The following ATXN7L1 variants were observed in gnomAD, a reference collection of about 807,000 sequenced individuals.
ATXN7L1 encodes the protein ataxin 7 like 1, also known as ataxin-7-like protein 1.
ATXN7L1 carries 15 observed loss-of-function variants against 70.8 expected under a neutral mutation model. The observed-to-expected ratio is 0.21, with a 90% CI of 0.14 to 0.33. The LOEUF is 0.33. Ranked by LOEUF, ATXN7L1 falls within the 10% of genes least tolerant of loss-of-function variation. ATXN7L1 has a pLI of 1.00. For synonymous variants in ATXN7L1, 440 were observed against 445.1 expected (o/e 0.99, Z 0.14); for missense variants, 975 against 1,097.1 (o/e 0.89, Z 1.57).
rs370623444 is a variant in ATXN7L1, at chr7:105,872,139, C to G, written c.250+3673G>C. ...TCCCAAGTAGCTGGGACTACAGGTG[C>G]GTGCCACCACGCCCGGCTAATTTTT... On this transcript the variant is annotated intron_variant, in intron 2 of 11. Coordinates refer to ENST00000419735, the MANE Select transcript of ATXN7L1 (RefSeq NM_020725.2). Among the ~76,000 whole-genome samples the G allele has an allele frequency of 2.9e-4, 44 of 152,124 alleles. 1 individual carries two copies. The East Asian group carries it at 8.1e-3, about 28-fold the overall frequency.
chr7:105,872,368 C>A (rs920350260), intron 2 of ATXN7L1, among the ~76,000 whole-genome samples: 1 of 152,116 alleles, frequency 6.6e-6, no homozygotes, highest in Non-Finnish European at 1.5e-5. Flanking sequence ...ATATATGACA[C>A]CAATGTTCAT....
intron 4 of ATXN7L1, among the ~76,000 whole-genome samples, chr7:105,663,708 C>T (rs1802066336): frequency 6.6e-6 from 1 of 152,116 alleles, no homozygotes; most frequent in South Asian, 2.1e-4. Flanking sequence ...CCACAGGCAA[C>T]CTTTTCTGAC....
intron 2 of ATXN7L1, among the ~76,000 whole-genome samples, chr7:105,846,600 G>A (rs1300484163): frequency 6.6e-6 from 1 of 152,180 alleles, no homozygotes; most frequent in Non-Finnish European, 1.5e-5. Context: ...ATATGATTCA[G>A]CAATTTCACT....
intron 11 of ATXN7L1, among the ~76,000 whole-genome samples, chr7:105,609,020 C>T (rs1792924292): frequency 6.6e-6 from 1 of 152,200 alleles, no homozygotes; most frequent in African/African-American, 2.4e-5. Context: ...CAGGTGTACA[C>T]ACCGACTACT....
intron 3 of ATXN7L1, among the ~76,000 whole-genome samples, chr7:105,719,537 G>A (rs2116295477): frequency 6.6e-6 from 1 of 152,220 alleles, no homozygotes; most frequent in Middle Eastern, 3.4e-3. Flanking sequence ...CCCCTGCTGT[G>A]CTAACTGTAC....
At chr7:105,828,215 G>A (rs1811133242) in intron 2 of ATXN7L1, among the ~76,000 whole-genome samples, 1 of 152,176 alleles carries the variant, frequency 6.6e-6, no homozygotes, top group South Asian at 2.1e-4. Context: ...GTGGCTCACA[G>A]TTTAGGATTG....
intron 2 of ATXN7L1, among the ~76,000 whole-genome samples, chr7:105,866,812 G>T (rs951699962): frequency 6.6e-6 from 1 of 152,158 alleles, no homozygotes; most frequent in Non-Finnish European, 1.5e-5. Context: ...GGCTATGTTT[G>T]ATTATTGCAA....
chr7:105,632,175 C>T (rs932884821), intron 7 of ATXN7L1, among the ~76,000 whole-genome samples: 1 of 151,886 alleles, frequency 6.6e-6, no homozygotes, highest in South Asian at 2.1e-4. Context: ...GACTGCCCAA[C>T]CAAACATCAA....
At chr7:105,857,184 T>C (rs780052878) in intron 2 of ATXN7L1, among the ~76,000 whole-genome samples, 2 of 152,154 alleles carry the variant, frequency 1.3e-5, no homozygotes, top group African/African-American at 4.8e-5. Context: ...ATTCTTTCAT[T>C]CATTTTTCAA....
intron 2 of ATXN7L1, among the ~76,000 whole-genome samples, chr7:105,827,828 T>C (rs1811089339): frequency 6.6e-6 from 1 of 152,180 alleles, no homozygotes; most frequent in Non-Finnish European, 1.5e-5. Context: ...GGTCATATGG[T>C]GTACATTATA....
At chr7:105,839,165 A>G (rs1293356464) in intron 2 of ATXN7L1, among the ~76,000 whole-genome samples, 1 of 152,206 alleles carries the variant, frequency 6.6e-6, no homozygotes, top group Non-Finnish European at 1.5e-5. Context: ...ACAAAGGCCA[A>G]ATAGCATGCT....
chr7:105,697,179 G>C (rs1005435071), intron 3 of ATXN7L1, among the ~76,000 whole-genome samples: 5 of 152,180 alleles, frequency 3.3e-5, no homozygotes, highest in Non-Finnish European at 5.9e-5. Flanking sequence ...CAGGAGACAG[G>C]GTTTTGAGAT....
At chr7:105,783,462 T>C (rs1203589683) in intron 3 of ATXN7L1, among the ~76,000 whole-genome samples, 2 of 152,164 alleles carry the variant, frequency 1.3e-5, no homozygotes, top group African/African-American at 4.8e-5. Flanking sequence ...CTGGCGTACA[T>C]AGGCAGTTTC....
chr7:105,753,259 C>T (rs1329084133), intron 3 of ATXN7L1, among the ~76,000 whole-genome samples: 1 of 152,210 alleles, frequency 6.6e-6, no homozygotes, highest in Non-Finnish European at 1.5e-5. Flanking sequence ...AGCTCTGCAA[C>T]TAAGTGGCCA....
At chr7:105,647,011 GT>G (rs1799146584) in intron 4 of ATXN7L1, among the ~76,000 whole-genome samples, 1 of 151,998 alleles carries the variant, frequency 6.6e-6, no homozygotes, top group Admixed American at 6.6e-5. Flanking sequence ...TCTCACCCTT[GT>G]TCTGATCTGT....
chr7:105,679,233 G>C (rs545282858), intron 3 of ATXN7L1: 1 of 795,618 alleles, frequency 1.3e-6, no homozygotes, highest in Non-Finnish European at 1.5e-6. Flanking sequence ...AGAAAAGCCC[G>C]GAACAGTCAG....
intron 3 of ATXN7L1, among the ~76,000 whole-genome samples, chr7:105,775,902 G>C (rs980282102): frequency 6.6e-6 from 1 of 152,116 alleles, no homozygotes; most frequent in Non-Finnish European, 1.5e-5. Context: ...GCTTTAATGT[G>C]CTAATAGCTG....
intron 2 of ATXN7L1, among the ~76,000 whole-genome samples, chr7:105,860,297 G>A (rs1269459458): frequency 2.0e-5 from 3 of 151,952 alleles, no homozygotes; most frequent in Non-Finnish European, 4.4e-5. Context: ...ATGGTGCAGA[G>A]TGGGGGTTAC....
chr7:105,874,530 CCT>C (rs926627166), intron 2 of ATXN7L1, among the ~76,000 whole-genome samples: 4 of 152,216 alleles, frequency 2.6e-5, no homozygotes, highest in African/African-American at 9.7e-5. Context: ...CCTGAAGACA[CCT>C]GTCAAGATCA....
Sources: allele counts gnomAD v4.1 joint callset (sites outside exome capture counted in the v4.1 genomes callset), GRCh38; gene constraint gnomAD v4.1.1; transcripts MANE v1.5; gene names NCBI Gene and HGNC (gene_info 2026-07-23, HGNC 2026-07-21).